Variants in VPS13B observed in about 807,000 individuals in gnomAD.
VPS13B encodes vacuolar protein sorting 13 homolog B, also known as intermembrane lipid transfer protein VPS13B.
A neutral mutation model predicts 426.4 loss-of-function variants in VPS13B; 285 were observed. The ratio of observed to expected loss-of-function variants is 0.67; its 90% CI spans 0.61 to 0.74. The LOEUF is 0.74. Among genes scored for constraint, VPS13B ranks in the 30% least tolerant of loss-of-function variants. The probability of loss-of-function intolerance (pLI) is 0.00; values close to 1 mark genes in which losing one functional copy is unlikely to be tolerated. For synonymous variants in VPS13B, 1,676 were observed against 1,676.4 expected (o/e 1.00, Z 0.01); for missense variants, 4,537 against 4,782.6 (o/e 0.95, Z 1.51).
chr8:99,346,721 C>T (rs1811556894), intron 19 of VPS13B: 1 of 157,148 alleles, frequency 6.4e-6, no homozygotes. Flanking sequence ...CCACCCTCTG[C>T]CTACTGATAT....
intron 17 of VPS13B, among the ~76,000 whole-genome samples, chr8:99,224,211 T>A (rs1054534692): frequency 7.2e-5 from 11 of 152,330 alleles, no homozygotes; most frequent in African/African-American, 2.6e-4. Context: ...GATGGGTTTT[T>A]TTTCTGAAAC....
chr8:99,401,774 G>T (rs1321995741), intron 21 of VPS13B, among the ~76,000 whole-genome samples: 1 of 152,198 alleles, frequency 6.6e-6, no homozygotes, highest in Admixed American at 6.5e-5. Context: ...GCTGAGGCAG[G>T]AGAATTGCTT....
At position 99,090,081 on chromosome 8, in the gene VPS13B, C is replaced by G. The variant is rs574477497; in HGVS notation, c.292-6231C>G. Reference sequence around the variant, plus strand: ...CCCATCATAGCCTGAAGTAGTTTTTCAGGTTAAGTTTGGAATGCCTATGGC... The same window carrying G: ...CCCATCATAGCCTGAAGTAGTTTTTGAGGTTAAGTTTGGAATGCCTATGGC... On this transcript the variant is annotated intron_variant, in intron 3 of 61. Transcript: ENST00000357162. 3.3e-5 allele frequency among the ~76,000 whole-genome samples: 5 copies of G among 151,964 alleles called. No individual in the cohort carries two copies. The South Asian group carries it at 1.0e-3, about 32-fold the overall frequency.
In VPS13B at chr8:99,378,037, T is replaced by G. The variant is rs567166769; in HGVS notation, c.2825-6171T>G. On this transcript the variant is annotated intron_variant, in intron 19 of 61. Transcript: ENST00000357162. ...AATTCGCCAGGCTGGAATTTCCTAA[T>G]CCTAGCAAGCCTGGGGGCGCTGCAG... Among the ~76,000 whole-genome samples, 90 of 151,108 alleles carry G rather than the reference T, an allele frequency of 6.0e-4. 3 individuals are homozygous for G. In the South Asian group the frequency reaches 0.015, roughly 25 times the overall value.
chr8:99,553,887 T>C (rs1022669476), intron 30 of VPS13B, among the ~76,000 whole-genome samples: 16 of 152,090 alleles, frequency 1.1e-4, no homozygotes, highest in African/African-American at 3.9e-4. Context: ...TCCTAATCCC[T>C]AAAAGTTTGA....
chr8:99,367,934 G>T lies in VPS13B; in HGVS notation c.2825-16274G>T, dbSNP rs149917806. Among the ~76,000 whole-genome samples the T allele has an allele frequency of 6.2e-3, 950 of 152,286 alleles. 8 individuals carry two copies. Among genetic ancestry groups the T allele is most frequent in the African/African-American group, 0.021 (891 of 41,556 alleles). ...CTCCCAAAGTGCTGGGATTACAGGC[G>T]TGAGCCACCGCACCTGACCATTTGG... On this transcript the variant is annotated intron_variant, in intron 19 of 61. Coordinates refer to ENST00000357162, the MANE Select transcript of VPS13B (RefSeq NM_152564.5).
chr8:99,746,960 C>T (rs1183452800), intron 39 of VPS13B, among the ~76,000 whole-genome samples: 1 of 152,078 alleles, frequency 6.6e-6, no homozygotes, highest in Non-Finnish European at 1.5e-5. Flanking sequence ...TAAGGAACAC[C>T]ATGACGTCCA....
chr8:99,134,963 A>G, intron 9 of VPS13B, 52 bp from the exon 10 acceptor site: 2 of 1,607,104 alleles, frequency 1.2e-6, no homozygotes, highest in South Asian at 2.2e-5. Flanking sequence ...AAAGCCTCTA[A>G]CATTTTTATT....
At chr8:99,459,032 C>G (rs529546406) in intron 23 of VPS13B, among the ~76,000 whole-genome samples, 1 of 152,228 alleles carries the variant, frequency 6.6e-6, no homozygotes, top group South Asian at 2.1e-4. Context: ...AGGTTTTCTT[C>G]TAGGGTTTTT....
intron 24 of VPS13B, among the ~76,000 whole-genome samples, chr8:99,471,054 ACCCC>A (rs1254568409): frequency 1.3e-5 from 2 of 152,058 alleles, no homozygotes; most frequent in African/African-American, 4.8e-5. Context: ...TAGTGAAGAT[ACCCC>A]ACAGAAATGA....
chr8:99,103,459 A>AGC (rs1317477665), intron 5 of VPS13B, among the ~76,000 whole-genome samples: 1 of 141,324 alleles, frequency 7.1e-6, no homozygotes, highest in African/African-American at 2.6e-5. Flanking sequence ...ACTCTTGAGT[A>AGC]GCTGAGACTA....
chr8:99,549,836 C>T (rs1824184924), intron 30 of VPS13B, among the ~76,000 whole-genome samples: 1 of 152,108 alleles, frequency 6.6e-6, no homozygotes, highest in South Asian at 2.1e-4. Flanking sequence ...GCCTTTGAAC[C>T]TGCTACTTCC....
Position 99,295,313 on chromosome 8 carries a change from G to C in VPS13B, c.2824+20059G>C, listed in dbSNP as rs1021681642. ...AAAGGAAAAAAGATTAATGAAATAA[G>C]TATCTTTTGAAAGAGGTTAAGTAAT... On this transcript the variant is annotated intron_variant, in intron 19 of 61. Coordinates refer to ENST00000357162, the MANE Select transcript of VPS13B (RefSeq NM_152564.5). 6.6e-5 allele frequency among the ~76,000 whole-genome samples: 10 copies of C among 152,222 alleles called. No homozygotes were observed. The East Asian group carries it at 1.9e-3, about 29-fold the overall frequency.
chr8:99,103,053 C>T lies in VPS13B; in HGVS notation c.513C>T (p.Val171=), dbSNP rs1846845460. 3.1e-6 allele frequency: 5 copies of T among 1,613,830 alleles called. No homozygotes were observed. The highest frequency in any genetic ancestry group is 4.2e-6 in the Non-Finnish European group (5 of 1,179,926). Residue 171 remains valine (V), a synonymous_variant, in exon 5 of 62, where the codon GTC becomes GTT. Coordinates refer to ENST00000357162, the MANE Select transcript of VPS13B (RefSeq NM_152564.5). ...TTGAAGATGATATCGTCCTTTCCGT[C>T]AATATCACTTCTGCAGAATGTTATA... The part of the protein sequence containing the change: ...KYVEDDIVLS[V]NITSAECYTV...
intron 15 of VPS13B, among the ~76,000 whole-genome samples, chr8:99,166,987 TAGAG>T (rs974359593): frequency 1.3e-5 from 2 of 152,074 alleles, no homozygotes; most frequent in African/African-American, 2.4e-5. Context: ...AAGGAGGAAA[TAGAG>T]GAAGGAAGGA....
At chr8:99,868,896 C>T (rs1817246257) in intron 59 of VPS13B, among the ~76,000 whole-genome samples, 1 of 152,198 alleles carries the variant, frequency 6.6e-6, no homozygotes, top group African/African-American at 2.4e-5. Flanking sequence ...GTGGCCTTCT[C>T]ACCCACAGAG....
At chr8:99,107,364 GT>G (rs1446113643) in intron 5 of VPS13B, among the ~76,000 whole-genome samples, 2 of 152,050 alleles carry the variant, frequency 1.3e-5, no homozygotes, top group East Asian at 3.8e-4. Context: ...GTAAAAAAGA[GT>G]ATACCCCAAA....
chr8:99,719,732 T>A (rs1327857444), intron 37 of VPS13B, among the ~76,000 whole-genome samples: 1 of 152,156 alleles, frequency 6.6e-6, no homozygotes, highest in African/African-American at 2.4e-5. Context: ...TAATCTCCAT[T>A]AGAGGAAACA....
intron 33 of VPS13B, among the ~76,000 whole-genome samples, chr8:99,609,816 G>A (rs1827766165): frequency 6.6e-6 from 1 of 152,202 alleles, no homozygotes; most frequent in Admixed American, 6.5e-5. Context: ...GAAGGATTCA[G>A]CAAGAAATAG....
Sources: allele counts gnomAD v4.1 joint callset (sites outside exome capture counted in the v4.1 genomes callset), GRCh38; gene constraint gnomAD v4.1.1; transcripts MANE v1.5; gene names NCBI Gene and HGNC (gene_info 2026-07-23, HGNC 2026-07-21).